Variants in TMEM114 observed in about 807,000 individuals in gnomAD.
The protein encoded by TMEM114 is transmembrane protein 114.
In TMEM114, 6 loss-of-function variants were observed where a neutral mutation model predicts 6.2. The ratio of observed to expected loss-of-function variants is 0.97; its 90% CI spans 0.53 to 1.91. TMEM114 has a LOEUF of 1.91. Among genes scored for constraint, TMEM114 ranks in the 40% most tolerant of loss-of-function variants. TMEM114 has a pLI of 0.01. For synonymous variants in TMEM114, 104 were observed against 73.0 expected, an observed-to-expected ratio of 1.42 and a Z score of -2.16; for missense variants, 218 against 158.3, an observed-to-expected ratio of 1.38 and a Z score of -2.02.
chr16:8,572,938 A>C (rs1013261970), intron 2 of TMEM114, among the ~76,000 whole-genome samples: 5 of 152,166 alleles, frequency 3.3e-5, no homozygotes, highest in African/African-American at 1.2e-4. Flanking sequence ...CATTTTGGGG[A>C]CAGCACTTGC....
At position 8,546,953 on chromosome 16, in the gene TMEM114, C is replaced by G. The variant is rs143763839; in HGVS notation, n.213-9127G>C. 6.0e-3 allele frequency among the ~76,000 whole-genome samples: 916 copies of G among 152,280 alleles called. 3 individuals are homozygous for G. Among genetic ancestry groups the G allele is most frequent in the Admixed American group, 0.011 (161 of 15,304 alleles). On this transcript the variant is annotated intron_variant and non_coding_transcript_variant, in intron 2 of 2. Transcript: ENST00000623677. ...TTATTTCTAAAGCTAGCTGGGAGGA[C>G]AGGGGAAAGCCACAGCCAACTGAGC...
intron 2 of TMEM114, among the ~76,000 whole-genome samples, chr16:8,587,146 G>A (rs1449898142): frequency 1.3e-5 from 2 of 151,928 alleles, no homozygotes; most frequent in Non-Finnish European, 2.9e-5. Flanking sequence ...ATTTTGCAGA[G>A]ATCCAGTTGT....
At position 8,563,292 on chromosome 16, in the gene TMEM114, A is replaced by G. The variant is rs534006788; in HGVS notation, n.213-25466T>C. On this transcript the variant is annotated intron_variant and non_coding_transcript_variant, in intron 2 of 2. Transcript: ENST00000623677. ...CAGTGAATGAGTGAGGGAATGAGTG[A>G]GTGAATAAATGAGTGAGTGAGGGAG... Among the ~76,000 whole-genome samples the G allele has an allele frequency of 1.7e-3, 263 of 151,888 alleles. 1 individual carries two copies. Among genetic ancestry groups the G allele is most frequent in the Non-Finnish European group, 2.8e-3 (188 of 67,996 alleles).
chr16:8,588,877 G>A (rs973014132), intron 2 of TMEM114, among the ~76,000 whole-genome samples: 1 of 152,108 alleles, frequency 6.6e-6, no homozygotes, highest in Non-Finnish European at 1.5e-5. Flanking sequence ...CCTTCCTCAC[G>A]CTGCTGGACT....
downstream of TMEM114, among the ~76,000 whole-genome samples, chr16:8,565,020 C>CATGAGTGAGTGA (rs1192859625): frequency 6.9e-5 from 8 of 115,322 alleles, no homozygotes; most frequent in South Asian, 3.1e-4. Context: ...TGAGTGAATA[C>CATGAGTGAGTGA]ATGAGTGAGT....
chr16:8,577,311 A>G (rs1307418595), intron 2 of TMEM114, among the ~76,000 whole-genome samples: 3 of 152,120 alleles, frequency 2.0e-5, no homozygotes, highest in African/African-American at 7.2e-5. Flanking sequence ...TGATGTGGGG[A>G]CAGCTACTGC....
intron 2 of TMEM114, among the ~76,000 whole-genome samples, chr16:8,539,838 C>T (rs1900467269): frequency 1.3e-5 from 2 of 151,798 alleles, no homozygotes; most frequent in African/African-American, 2.4e-5. Context: ...TATTTTTTTA[C>T]ACAGAGTCTC....
intron 2 of TMEM114, among the ~76,000 whole-genome samples, chr16:8,558,186 G>C (rs1231888596): frequency 1.3e-5 from 2 of 152,320 alleles, no homozygotes; most frequent in South Asian, 2.1e-4. Flanking sequence ...CTGAGAAGCA[G>C]ATGTTGCAGT....
downstream of TMEM114, among the ~76,000 whole-genome samples, chr16:8,565,383 ATCT>A (rs1023879990): frequency 3.3e-5 from 5 of 152,300 alleles, no homozygotes; most frequent in African/African-American, 1.2e-4. Context: ...AAATGAATGG[ATCT>A]TCTTTGCCAG....
Position 8,577,804 on chromosome 16 carries a change from C to G in TMEM114, c.302-5580G>C, listed in dbSNP as rs1420394159. On this transcript the variant is annotated intron_variant, in intron 2 of 3. Transcript: ENST00000620492. ...ATTTCACCATATTGGTCAGGCTGCTCTTGAACTCCTGACCTCAAGTGATCC... is the reference window on the plus strand; with the variant it reads ...ATTTCACCATATTGGTCAGGCTGCTGTTGAACTCCTGACCTCAAGTGATCC... Among the ~76,000 whole-genome samples, 3 of 152,112 alleles carry G rather than the reference C, an allele frequency of 2.0e-5. 1 individual carries two copies. Among genetic ancestry groups the G allele is most frequent in the African/African-American group, 4.8e-5 (2 of 41,416 alleles).
rs59194084 is a variant in TMEM114, at chr16:8,538,133, CA to C, written n.213-308del. On this transcript the variant is annotated intron_variant and non_coding_transcript_variant, in intron 2 of 2. Transcript: ENST00000623677. ...GGACAGCATGGTGTGACTGTCTCTA[CA>C]AAAAAAAAAAAAAAAAAAAACTTCG... Among the ~76,000 whole-genome samples the C allele has an allele frequency of 6.1e-3, 466 of 76,310 alleles. 3 individuals carry two copies. Among genetic ancestry groups the C allele is most frequent in the Middle Eastern group, 0.018 (2 of 110 alleles). 50.1% of individuals were successfully genotyped at this position (76,310 alleles called of 152,430 possible).
the TMEM114 span, among the ~76,000 whole-genome samples, chr16:8,529,729 T>TA: frequency 8.4e-3 from 1,138 of 135,626 alleles, 14 homozygotes; most frequent in African/African-American, 0.026. Context: ...AAAGAAAACT[T>TA]AAAAAAAAAA....
intron 2 of TMEM114, among the ~76,000 whole-genome samples, chr16:8,545,290 A>G (rs1900629465): frequency 6.6e-6 from 1 of 152,028 alleles, no homozygotes; most frequent in African/African-American, 2.4e-5. Context: ...ATAAAAAATA[A>G]CCAGGCACAG....
chr16:8,541,808 C>G (rs1900522475), intron 2 of TMEM114, among the ~76,000 whole-genome samples: 1 of 152,186 alleles, frequency 6.6e-6, no homozygotes, highest in Non-Finnish European at 1.5e-5. Context: ...GAGGGTTCCA[C>G]TTGGGAACTG....
intron 3 of TMEM114, among the ~76,000 whole-genome samples, chr16:8,571,485 A>C (rs1358900664): frequency 6.6e-6 from 1 of 152,192 alleles, no homozygotes; most frequent in Non-Finnish European, 1.5e-5. Context: ...AGAACACAAT[A>C]GGCTGTTGTT....
downstream of TMEM114, chr16:8,569,370 T>C (rs1901644272): frequency 1.2e-6 from 1 of 832,956 alleles, no homozygotes. Context: ...CTGAACGCAT[T>C]ACAGGGCCCA....
rs549444428 is a variant in TMEM114 at position 8,542,905 on chromosome 16, T to C, written n.213-5079A>G. Among the ~76,000 whole-genome samples, 434 of 152,242 alleles carry C rather than the reference T, an allele frequency of 2.9e-3. 2 individuals carry two copies. The highest frequency in any genetic ancestry group is 9.7e-3 in the African/African-American group (403 of 41,524). On this transcript the variant is annotated intron_variant and non_coding_transcript_variant, in intron 2 of 2. Coordinates refer to the TMEM114 transcript ENST00000623677. ...AAATGCCAGAATGTATGGAGATTAA[T>C]CACAGAATAATACAAACTGCCGCTT... is the stretch of plus-strand genomic sequence containing the variant.
downstream of TMEM114, among the ~76,000 whole-genome samples, chr16:8,569,091 C>T (rs1262125206): frequency 6.6e-6 from 1 of 152,200 alleles, no homozygotes; most frequent in Non-Finnish European, 1.5e-5. Flanking sequence ...GTCTGGGGCG[C>T]GCTAAATGTG....
chr16:8,535,008 G>A (rs561222771), downstream of TMEM114, among the ~76,000 whole-genome samples: 24 of 152,238 alleles, frequency 1.6e-4, no homozygotes, highest in Non-Finnish European at 2.4e-4. Flanking sequence ...TTCTCCTAAC[G>A]TCAAGACTCG....
Sources: allele counts gnomAD v4.1 joint callset (sites outside exome capture counted in the v4.1 genomes callset), GRCh38; gene constraint gnomAD v4.1.1; transcripts MANE v1.5; gene names NCBI Gene and HGNC (gene_info 2026-07-23, HGNC 2026-07-21).